Variants in CTNS observed in about 807,000 individuals in gnomAD.
The protein encoded by CTNS is cystinosin, lysosomal cystine transporter, also known as cystinosin.
In CTNS, 27 loss-of-function variants were observed where a neutral mutation model predicts 43.7. That is an observed-to-expected ratio of 0.62 (90% confidence interval 0.46 to 0.85). The LOEUF is 0.85. Ranked by LOEUF, CTNS falls within the 40% of genes least tolerant of loss-of-function variation. The pLI, the probability that CTNS is intolerant of heterozygous loss-of-function variation, is 0.00. For synonymous variants in CTNS, 187 were observed against 190.6 expected, an observed-to-expected ratio of 0.98 and a Z score of 0.16; for missense variants, 457 against 475.4, an observed-to-expected ratio of 0.96 and a Z score of 0.36.
At chr17:3,645,966 A>G (rs1172487646) in intron 3 of CTNS, among the ~76,000 whole-genome samples, 2 of 100,354 alleles carry the variant, frequency 2.0e-5, no homozygotes, top group African/African-American at 3.3e-5. Context: ...GGGTGGGGGG[A>G]ACTGGGCCTG....
chr17:3,654,983 C>CA lies in CTNS; in HGVS notation c.226-14dup. The CA allele has an allele frequency of 6.3e-7, 1 of 1,591,502 alleles. No homozygotes were observed. Among genetic ancestry groups the CA allele is most frequent in the East Asian group, 2.2e-5 (1 of 44,786 alleles). On this transcript the variant is annotated splice_polypyrimidine_tract_variant and intron_variant, in intron 5 of 11. Coordinates refer to ENST00000046640, the MANE Select transcript of CTNS (RefSeq NM_004937.3). Reference sequence around the variant, plus strand: ...CTGTACGTGGCATCGGATTGAACCTCAGTCTTCCTAACAGGTTGTGGTGCC... The same window carrying CA: ...CTGTACGTGGCATCGGATTGAACCTCAAGTCTTCCTAACAGGTTGTGGTGCC...
chr17:3,662,077 A>G lies in CTNS; in HGVS notation c.*1708A>G, dbSNP rs867189674. On this transcript the variant is annotated 3_prime_UTR_variant, in exon 12 of 12. Transcript: ENST00000046640. ...TGTAATCCCAGCACTTTGGGAGGCCAAGGCAGATGGATCACCTGACATCAG... is the reference window on the plus strand; with the variant it reads ...TGTAATCCCAGCACTTTGGGAGGCCGAGGCAGATGGATCACCTGACATCAG... Among the ~76,000 whole-genome samples, 5 of 152,262 alleles carry G rather than the reference A, an allele frequency of 3.3e-5. No homozygotes were observed. The highest frequency in any genetic ancestry group is 2.1e-4 in the South Asian group (1 of 4,826).
At chr17:3,651,697 C>A (rs1214795594) in intron 5 of CTNS, among the ~76,000 whole-genome samples, 1 of 151,730 alleles carries the variant, frequency 6.6e-6, no homozygotes. Context: ...AGAGGCTGGG[C>A]ACCGTGGGAT....
At chr17:3,642,253 A>G (rs924046381) in intron 3 of CTNS, among the ~76,000 whole-genome samples, 1 of 151,440 alleles carries the variant, frequency 6.6e-6, no homozygotes, top group Admixed American at 6.6e-5. Flanking sequence ...AGCTACCACC[A>G]CTCCAGTTAC....
intron 3 of CTNS, among the ~76,000 whole-genome samples, chr17:3,641,176 T>C (rs1442052429): frequency 6.6e-6 from 1 of 151,590 alleles, no homozygotes; most frequent in African/African-American, 2.4e-5. Flanking sequence ...TTACACGTCC[T>C]TGTAGGAGGA....
chr17:3,659,351 C>T (rs937766361), intron 10 of CTNS, among the ~76,000 whole-genome samples: 3 of 152,204 alleles, frequency 2.0e-5, no homozygotes, highest in South Asian at 2.1e-4. Flanking sequence ...GCGTTAACCC[C>T]GCTCTACAGA....
intron 10 of CTNS, among the ~76,000 whole-genome samples, chr17:3,658,396 A>G (rs9903430): frequency 1.4e-3 from 214 of 152,120 alleles, no homozygotes; most frequent in African/African-American, 4.6e-3. Context: ...GGCCCCTTGG[A>G]CCCCACGCTC....
chr17:3,648,707 G>A, intron 4 of CTNS, 140 bp from the exon 5 acceptor site: 1 of 751,488 alleles, frequency 1.3e-6, no homozygotes, highest in East Asian at 2.6e-5. Context: ...ATTTCCACCT[G>A]GCTACCCATC....
intron 5 of CTNS, among the ~76,000 whole-genome samples, chr17:3,653,208 T>C (rs1011765126): frequency 6.6e-5 from 10 of 151,936 alleles, no homozygotes; most frequent in African/African-American, 2.4e-4. Flanking sequence ...GGTCAGAAGA[T>C]CGAGACCAGC....
intron 3 of CTNS, among the ~76,000 whole-genome samples, chr17:3,643,969 G>C (rs559999446): frequency 6.6e-6 from 1 of 152,114 alleles, no homozygotes. Context: ...AGCCTGGCGG[G>C]GTCAAAGCTG....
At position 3,658,667 on chromosome 17, in the gene CTNS, G is replaced by A. The variant is rs150390620; in HGVS notation, c.852+492G>A. On this transcript the variant is annotated intron_variant, in intron 10 of 11. Transcript: ENST00000046640. ...GGTCAGGGCTGAAGTTGCTGCACCC[G>A]GGGACCTAGGGCCTCATTTAACTCA... 3.5e-3 allele frequency among the ~76,000 whole-genome samples: 527 copies of A among 152,336 alleles called. 1 individual carries two copies. Among genetic ancestry groups the A allele is most frequent in the African/African-American group, 0.011 (444 of 41,578 alleles).
At chr17:3,651,775 C>A (rs879103438) in intron 5 of CTNS, among the ~76,000 whole-genome samples, 1 of 151,832 alleles carries the variant, frequency 6.6e-6, no homozygotes, top group Non-Finnish European at 1.5e-5. Context: ...GAGTTCAAGA[C>A]CAGCCTGGCC....
In CTNS at chr17:3,660,915, C is replaced by G; in HGVS notation, c.*546C>G. ...CCTGACGTACTCTCTGTACATAACT[C>G]AGCGTCCGTGACTGCAGTAACAGCC... On this transcript the variant is annotated 3_prime_UTR_variant, in exon 12 of 12. Coordinates refer to ENST00000046640, the MANE Select transcript of CTNS (RefSeq NM_004937.3). 1 of 913,926 alleles carries G rather than the reference C, an allele frequency of 1.1e-6. No individual in the cohort carries two copies. 56.6% of individuals were successfully genotyped at this position (913,926 alleles called of 1,614,324 possible).
chr17:3,649,027 C>T, intron 5 of CTNS, 96 bp downstream of exon 5: 1 of 1,025,442 alleles, frequency 9.8e-7, no homozygotes, highest in Non-Finnish European at 1.5e-6. Context: ...TAGGCGGCCC[C>T]TGTTCCATCA....
At chr17:3,639,413 AC>A (rs1259109701) in intron 2 of CTNS, among the ~76,000 whole-genome samples, 1 of 152,002 alleles carries the variant, frequency 6.6e-6, no homozygotes, top group African/African-American at 2.4e-5. Context: ...CCTACCTGTA[AC>A]CCCAGCACTT....
rs1292002745 is a variant in CTNS, at chr17:3,647,482, C to A, written c.100C>A (p.Leu34Met). The change falls in exon 4 of 12, where the codon CTG (leucine) becomes ATG (methionine). Residue 34 changes from leucine (L) to methionine (M), a missense_variant. By Grantham distance (15) the Leu-to-Met change is conservative. Transcript: ENST00000046640. Reference protein sequence around the residue: ...VSLTVPPVVKLENGSSTNVSL... With the variant: ...VSLTVPPVVKMENGSSTNVSL... The stretch of plus-strand genomic sequence containing the variant: ...CCTCACTGTTCCTCCTGTCGTAAAG[C>A]TGGAGAACGGCAGCTCGACCAACGT... 6.2e-7 allele frequency: 1 copy of A among 1,614,042 alleles called. No homozygotes were observed. The highest frequency in any genetic ancestry group is 8.5e-7 in the Non-Finnish European group (1 of 1,180,016).
At chr17:3,654,117 A>C (rs2076060621) in intron 5 of CTNS, among the ~76,000 whole-genome samples, 1 of 152,146 alleles carries the variant, frequency 6.6e-6, no homozygotes, top group Non-Finnish European at 1.5e-5. Flanking sequence ...TGGAAGTGGA[A>C]GTGATGGTAT....
intron 3 of CTNS, among the ~76,000 whole-genome samples, chr17:3,646,942 G>T (rs2075857092): frequency 6.6e-6 from 1 of 152,176 alleles, no homozygotes; most frequent in Non-Finnish European, 1.5e-5. Context: ...GGTTGGGAAG[G>T]GACCCCAAAG....
chr17:3,652,590 C>A (rs2076013756), intron 5 of CTNS, among the ~76,000 whole-genome samples: 1 of 151,962 alleles, frequency 6.6e-6, no homozygotes, highest in Admixed American at 6.6e-5. Flanking sequence ...AAAACTCCAT[C>A]TAAAAAAATA....
Sources: allele counts gnomAD v4.1 joint callset (sites outside exome capture counted in the v4.1 genomes callset), GRCh38; gene constraint gnomAD v4.1.1; transcripts MANE v1.5; gene names NCBI Gene and HGNC (gene_info 2026-07-23, HGNC 2026-07-21).